Variants in TAOK3 observed in about 807,000 individuals in gnomAD.
The protein encoded by TAOK3 is serine/threonine-protein kinase TAO3.
A neutral mutation model predicts 120.4 loss-of-function variants in TAOK3; 40 were observed. The ratio of observed to expected loss-of-function variants is 0.33; its 90% confidence interval spans 0.26 to 0.43. The LOEUF (loss-of-function observed/expected upper bound fraction) is 0.43. TAOK3 is among the 20% of genes least tolerant of loss of function. TAOK3 has a pLI of 1.00. For missense variants in TAOK3, 821 were observed against 1,112.1 expected, an observed-to-expected ratio of 0.74 and a Z score of 3.72; for synonymous variants, 355 against 387.5, an observed-to-expected ratio of 0.92 and a Z score of 0.99.
At chr12:118,189,112 T>A (rs1206275054) in intron 14 of TAOK3, among the ~76,000 whole-genome samples, 1 of 152,222 alleles carries the variant, frequency 6.6e-6, no homozygotes, top group African/African-American at 2.4e-5. Flanking sequence ...ATCAGCCCTA[T>A]CCTCTCCTAC....
chr12:118,361,710 C>T (rs1168283017), intron 1 of TAOK3, among the ~76,000 whole-genome samples: 3 of 152,118 alleles, frequency 2.0e-5, no homozygotes, highest in Non-Finnish European at 4.4e-5. Context: ...CCACCTGCCT[C>T]AGCCTCCCAA....
Position 118,266,652 on chromosome 12 carries a change from T to C in TAOK3, c.-89+3A>G. On this transcript the variant is annotated splice_donor_region_variant and intron_variant, in intron 2 of 20. Coordinates refer to ENST00000392533, the MANE Select transcript of TAOK3 (RefSeq NM_016281.4). Reference sequence around the variant, plus strand: ...GGAGAAAGCTAAGTTGTATGGACAATACCTTTTTGTGTGTGGCACAAAATA... The same window carrying C: ...GGAGAAAGCTAAGTTGTATGGACAACACCTTTTTGTGTGTGGCACAAAATA... The C allele has an allele frequency of 2.5e-6, 1 of 398,150 alleles. No individual in the cohort carries two copies. Among genetic ancestry groups the C allele is most frequent in the African/African-American group, 2.1e-5 (1 of 48,742 alleles). 24.7% of individuals were successfully genotyped at this position (398,150 alleles called of 1,614,324 possible).
chr12:118,361,669 G>C (rs905970365), intron 1 of TAOK3, among the ~76,000 whole-genome samples: 2 of 152,090 alleles, frequency 1.3e-5, no homozygotes, highest in Admixed American at 1.3e-4. Flanking sequence ...ATGTTGGCCA[G>C]GCTGGTCTTG....
intron 1 of TAOK3, among the ~76,000 whole-genome samples, chr12:118,356,944 C>T (rs1198005295): frequency 1.3e-5 from 2 of 152,094 alleles, no homozygotes; most frequent in Non-Finnish European, 2.9e-5. Flanking sequence ...CAAGCTACTA[C>T]TTAGATCAGC....
At chr12:118,362,201 T>C (rs1421058893) in intron 1 of TAOK3, among the ~76,000 whole-genome samples, 1 of 151,402 alleles carries the variant, frequency 6.6e-6, no homozygotes, top group Non-Finnish European at 1.5e-5. Flanking sequence ...TTTGCTTTCA[T>C]AGACCCTAAA....
intron 1 of TAOK3, among the ~76,000 whole-genome samples, chr12:118,332,975 A>AACACACACACACACACACACACACACAC (rs146893418): frequency 2.0e-3 from 306 of 149,738 alleles, no homozygotes; most frequent in African/African-American, 5.6e-3. Flanking sequence ...CAACAGTTTC[A>AACACACACACACACACACACACACACAC]ACACACACAC....
intron 14 of TAOK3, among the ~76,000 whole-genome samples, chr12:118,187,596 A>AT (rs200128914): frequency 6.6e-6 from 1 of 151,364 alleles, no homozygotes; most frequent in Non-Finnish European, 1.5e-5. Flanking sequence ...TTTCCCTTCC[A>AT]TTTTTTTTCC....
intron 19 of TAOK3, among the ~76,000 whole-genome samples, chr12:118,156,516 A>G (rs181304408): frequency 3.5e-4 from 54 of 152,212 alleles, no homozygotes; most frequent in African/African-American, 1.3e-3. Flanking sequence ...TACCATCTAC[A>G]TATGTACAAA....
At chr12:118,239,816 G>A (rs558666994) in intron 5 of TAOK3, among the ~76,000 whole-genome samples, 1 of 152,240 alleles carries the variant, frequency 6.6e-6, no homozygotes, top group East Asian at 1.9e-4. Context: ...GAATCCCTGA[G>A]ATATATGTGT....
At chr12:118,216,928 C>CAAAA (rs11298822) in intron 9 of TAOK3, among the ~76,000 whole-genome samples, 12 of 89,900 alleles carry the variant, frequency 1.3e-4, no homozygotes, top group South Asian at 3.7e-4. Flanking sequence ...GACTCCATCT[C>CAAAA]AAAAAAAAAA....
intron 13 of TAOK3, among the ~76,000 whole-genome samples, chr12:118,197,249 T>C (rs961341423): frequency 1.3e-5 from 2 of 152,214 alleles, no homozygotes; most frequent in African/African-American, 4.8e-5. Flanking sequence ...ATTTCCTCTA[T>C]ATATTTCATG....
intron 13 of TAOK3, among the ~76,000 whole-genome samples, chr12:118,197,682 CTTTTTTTTTTT>C (rs67635506): frequency 1.1e-5 from 1 of 90,780 alleles, no homozygotes. Context: ...GCAAAACCTT[CTTTTTTTTTTT>C]TTTTTTTTTT....
intron 9 of TAOK3, among the ~76,000 whole-genome samples, chr12:118,226,470 G>A (rs1446833336): frequency 2.0e-5 from 3 of 150,310 alleles, no homozygotes; most frequent in South Asian, 2.1e-4. Context: ...GGAACTAGAC[G>A]TTGCAGTGAG....
chr12:118,152,074 A>G (rs7313336), intron 20 of TAOK3, among the ~76,000 whole-genome samples, 153 bp downstream of exon 20: 4,449 of 152,274 alleles, frequency 0.029, 181 homozygotes, highest in African/African-American at 0.091. Context: ...AAGGGGGACA[A>G]TGCCTACCTC....
At position 118,356,224 on chromosome 12, in the gene TAOK3, TA is replaced by T. The variant is rs1286122239; in HGVS notation, c.-194+16423del. On this transcript the variant is annotated intron_variant, in intron 1 of 20. Transcript: ENST00000392533. ...AATGTAACTGTCCCCTCCCCTCTTT[TA>T]GTAGGATAACTTGCATTACTATTTG... Among the ~76,000 whole-genome samples, 3 of 152,192 alleles carry T rather than the reference TA, an allele frequency of 2.0e-5. No individual in the cohort carries two copies. In the East Asian group the frequency reaches 5.8e-4, roughly 29 times the overall value.
intron 4 of TAOK3, among the ~76,000 whole-genome samples, chr12:118,244,653 T>C (rs1347345877): frequency 6.6e-6 from 1 of 150,692 alleles, no homozygotes; most frequent in African/African-American, 2.4e-5. Context: ...CTCAGTCTCC[T>C]GAGTAGCTGG....
intron 20 of TAOK3, among the ~76,000 whole-genome samples, chr12:118,151,442 G>T (rs1481542990): frequency 1.3e-5 from 2 of 152,188 alleles, no homozygotes; most frequent in East Asian, 3.8e-4. Context: ...TGGCAATGCC[G>T]TTCTAGCAAG....
chr12:118,349,064 G>C (rs1277365279), intron 1 of TAOK3, among the ~76,000 whole-genome samples: 1 of 151,664 alleles, frequency 6.6e-6, no homozygotes, highest in Non-Finnish European at 1.5e-5. Context: ...GCTAATTTTT[G>C]TATTTTTAGT....
Position 118,181,418 on chromosome 12 carries a change from C to G in TAOK3, c.1519G>C (p.Glu507Gln). 1.2e-6 allele frequency: 2 copies of G among 1,614,114 alleles called. No homozygotes were observed. Among genetic ancestry groups the G allele is most frequent in the Non-Finnish European group, 1.7e-6 (2 of 1,180,008 alleles). The stretch of plus-strand genomic sequence containing the variant: ...TGCTTCTTGGCCAGCTTCTCCAGCT[C>G]GATGGACGAGTTGTTGGCATGCGTC... ...VETHANNSSI[E>Q]LEKLAKKQVA... The change falls in exon 15 of 21, where the codon GAG (glutamate) becomes CAG (glutamine). Residue 507 changes from glutamate (E) to glutamine (Q), a missense_variant. Transcript: ENST00000392533.
Sources: gnomAD v4.1 joint callset for allele counts (sites outside exome capture counted in the v4.1 genomes callset) on GRCh38, gnomAD v4.1.1 for gene constraint, MANE v1.5 for transcripts, NCBI Gene and HGNC (gene_info 2026-07-23, HGNC 2026-07-21) for gene names.